The following ZFHX3 variants were observed in gnomAD, a reference collection of about 807,000 sequenced individuals.
ZFHX3 encodes the protein zinc finger homeobox protein 3.
A neutral mutation model predicts 279.1 loss-of-function variants in ZFHX3; 42 were observed. The observed-to-expected ratio is 0.15, with a 90% CI of 0.12 to 0.19. The LOEUF is 0.19. Ranked by LOEUF, ZFHX3 falls within the 10% of genes least tolerant of loss-of-function variation. The pLI, the probability that ZFHX3 is intolerant of heterozygous loss-of-function variation, is 1.00. For missense variants in ZFHX3, 4,981 were observed against 4,754.0 expected (o/e 1.05, Z -1.40); for synonymous variants, 2,293 against 1,957.8 (o/e 1.17, Z -4.52).
intron 2 of ZFHX3, among the ~76,000 whole-genome samples, chr16:73,538,225 T>TA (rs958111065): frequency 6.6e-6 from 1 of 152,004 alleles, no homozygotes; most frequent in Non-Finnish European, 1.5e-5. Context: ...CAGCCTAAAA[T>TA]AAAAAAATGG....
intron 2 of ZFHX3, chr16:73,554,301 T>G (rs2020243153): frequency 6.6e-6 from 1 of 152,244 alleles, no homozygotes; most frequent in South Asian, 2.1e-4. Context: ...ACTGAGGTAC[T>G]TGAATTGCTT....
chr16:73,226,070 A>G (rs2012581071), intron 5 of ZFHX3, among the ~76,000 whole-genome samples: 1 of 152,238 alleles, frequency 6.6e-6, no homozygotes, highest in South Asian at 2.1e-4. Flanking sequence ...GAAATAAAAT[A>G]TAAACTGGGG....
At chr16:73,364,846 A>T (rs965567988) in intron 3 of ZFHX3, among the ~76,000 whole-genome samples, 3 of 152,150 alleles carry the variant, frequency 2.0e-5, no homozygotes, top group Non-Finnish European at 4.4e-5. Flanking sequence ...AAGTCTAGAT[A>T]TTGGGACAAG....
chr16:73,839,414 G>T (rs1171669721), intron 1 of ZFHX3, among the ~76,000 whole-genome samples: 3 of 142,562 alleles, frequency 2.1e-5, no homozygotes, highest in Non-Finnish European at 4.5e-5. Flanking sequence ...TGGAGTATTT[G>T]GTATACCTTT....
At chr16:73,244,379 C>G (rs1243416586) in intron 5 of ZFHX3, among the ~76,000 whole-genome samples, 1 of 152,126 alleles carries the variant, frequency 6.6e-6, no homozygotes, top group Non-Finnish European at 1.5e-5. Flanking sequence ...AAGCCACATC[C>G]CAGCACACAG....
chr16:73,875,392 T>C (rs2029915556), intron 1 of ZFHX3, among the ~76,000 whole-genome samples: 1 of 152,210 alleles, frequency 6.6e-6, no homozygotes, highest in South Asian at 2.1e-4. Flanking sequence ...TGCTGATTAT[T>C]GTTATAAATC....
intron 7 of ZFHX3, among the ~76,000 whole-genome samples, chr16:73,117,712 C>A (rs1037917829): frequency 6.6e-6 from 1 of 152,210 alleles, no homozygotes; most frequent in Non-Finnish European, 1.5e-5. Context: ...AAAATCCTAA[C>A]CCCTAATATG....
intron 4 of ZFHX3, among the ~76,000 whole-genome samples, chr16:73,277,602 T>C (rs887157314): frequency 9.9e-5 from 15 of 152,242 alleles, no homozygotes; most frequent in Non-Finnish European, 1.6e-4. Flanking sequence ...TGTCTGTAGG[T>C]CACCAATGTA....
At chr16:73,516,104 T>C (rs1339944371) in intron 2 of ZFHX3, among the ~76,000 whole-genome samples, 1 of 152,236 alleles carries the variant, frequency 6.6e-6, no homozygotes, top group African/African-American at 2.4e-5. Flanking sequence ...TGGGTTCTTT[T>C]AAGAATACCA....
chr16:72,896,901 G>A (rs1046824707), intron 3 of ZFHX3, among the ~76,000 whole-genome samples: 3 of 152,226 alleles, frequency 2.0e-5, no homozygotes, highest in Non-Finnish European at 4.4e-5. Context: ...CACAAACAAA[G>A]CTTCCTCAGG....
chr16:73,700,672 A>C (rs551123411), intron 1 of ZFHX3, among the ~76,000 whole-genome samples: 2 of 152,232 alleles, frequency 1.3e-5, no homozygotes, highest in Non-Finnish European at 2.9e-5. Flanking sequence ...TTTAAAACAC[A>C]TGCCATTAAA....
intron 2 of ZFHX3, among the ~76,000 whole-genome samples, chr16:73,483,675 G>A (rs1402443799): frequency 6.6e-6 from 1 of 152,118 alleles, no homozygotes; most frequent in Non-Finnish European, 1.5e-5. Flanking sequence ...GGGCCAAGCA[G>A]CTGTTTTACA....
intron 4 of ZFHX3, among the ~76,000 whole-genome samples, chr16:73,270,682 A>T (rs534497579): frequency 2.6e-5 from 4 of 152,278 alleles, no homozygotes; most frequent in Non-Finnish European, 5.9e-5. Context: ...TGGTATATGG[A>T]GGTCAGCGGT....
chr16:73,214,486 A>G (rs992410713), intron 5 of ZFHX3, among the ~76,000 whole-genome samples: 8 of 152,138 alleles, frequency 5.3e-5, no homozygotes, highest in African/African-American at 1.9e-4. Flanking sequence ...ACCAGACTAG[A>G]TGCATCAGAG....
chr16:72,894,227 C>A (rs2038841743), intron 3 of ZFHX3, among the ~76,000 whole-genome samples: 1 of 152,106 alleles, frequency 6.6e-6, no homozygotes, highest in Non-Finnish European at 1.5e-5. Flanking sequence ...AACATCCCAA[C>A]CCAAACTTCT....
At chr16:73,189,826 G>A (rs1368567155) in intron 5 of ZFHX3, among the ~76,000 whole-genome samples, 1 of 152,204 alleles carries the variant, frequency 6.6e-6, no homozygotes, top group Non-Finnish European at 1.5e-5. Context: ...AGGCATGGTG[G>A]CTCATGCCTG....
chr16:73,255,429 C>T (rs769911699), intron 5 of ZFHX3, among the ~76,000 whole-genome samples: 11 of 152,212 alleles, frequency 7.2e-5, no homozygotes, highest in Non-Finnish European at 1.2e-4. Context: ...GTGGTTATCT[C>T]ATGAAGGGGC....
chr16:73,472,318 C>G (rs2143605514), intron 2 of ZFHX3, among the ~76,000 whole-genome samples: 1 of 150,850 alleles, frequency 6.6e-6, no homozygotes, highest in East Asian at 2.0e-4. Context: ...AGACATAGCT[C>G]TTGGATTCTC....
chr16:73,210,868 G>C (rs1329756271), intron 5 of ZFHX3, among the ~76,000 whole-genome samples: 2 of 151,822 alleles, frequency 1.3e-5, no homozygotes, highest in Non-Finnish European at 1.5e-5. Flanking sequence ...ATGTCATTTT[G>C]GTTTCCTGAG....
Sources: gnomAD v4.1 joint callset for allele counts (sites outside exome capture counted in the v4.1 genomes callset) on GRCh38, gnomAD v4.1.1 for gene constraint, MANE v1.5 for transcripts, NCBI Gene and HGNC (gene_info 2026-07-23, HGNC 2026-07-21) for gene names.